OGFOD3: variants seen among roughly 807,000 people sequenced by gnomAD.
OGFOD3 encodes the protein 2-oxoglutarate and iron dependent oxygenase domain containing 3, also known as 2-oxoglutarate and iron-dependent oxygenase domain-containing protein 3.
A neutral mutation model predicts 39.8 loss-of-function variants in OGFOD3; 35 were observed. The ratio of observed to expected loss-of-function variants is 0.88; its 90% confidence interval spans 0.67 to 1.17. OGFOD3 has a LOEUF of 1.17. OGFOD3 is among the 50% of genes most tolerant of loss of function. The pLI is 0.00. For missense variants in OGFOD3, 438 were observed against 454.5 expected (o/e 0.96, Z 0.33); for synonymous variants, 200 against 192.0 (o/e 1.04, Z -0.34).
chr17:82,405,430 T>A (rs759772242), intron 5 of OGFOD3, 50 bp from the exon 6 acceptor site: 5 of 1,463,332 alleles, frequency 3.4e-6, no homozygotes, highest in Admixed American at 1.7e-5. Flanking sequence ...ATTAATCTGT[T>A]GTTCATCTCC....
chr17:82,393,094 G>A (rs1160946412), intron 8 of OGFOD3: 2 of 152,980 alleles, frequency 1.3e-5, no homozygotes, highest in Non-Finnish European at 2.9e-5. Flanking sequence ...GGGCCTGAGA[G>A]GTCCTGGAGG....
Position 82,390,386 on chromosome 17 carries a change from A to G in OGFOD3, c.*2012T>C, listed in dbSNP as rs1330220869. 6.6e-6 allele frequency: 1 copy of G among 152,324 alleles called. No individual in the cohort carries two copies. Among genetic ancestry groups the G allele is most frequent in the Non-Finnish European group, 1.5e-5 (1 of 68,104 alleles). The allele number at this position is 152,324 out of a possible 1,614,324, so 9.4% of individuals were successfully genotyped here. On this transcript the variant is annotated 3_prime_UTR_variant, in exon 9 of 9. Coordinates refer to ENST00000313056, the MANE Select transcript of OGFOD3 (RefSeq NM_024648.3). The surrounding 1 kb of genome is among the most constrained non-coding windows in gnomAD (Gnocchi z 4.9). Reference sequence around the variant, plus strand: ...CGACTTCCCACCCACGATGGGGCCCACCAGCCCGACCCGGAGAGTGTCCGT... The same window carrying G: ...CGACTTCCCACCCACGATGGGGCCCGCCAGCCCGACCCGGAGAGTGTCCGT...
chr17:82,412,031 GA>G (rs1390986674), intron 2 of OGFOD3, among the ~76,000 whole-genome samples: 1 of 71,056 alleles, frequency 1.4e-5, no homozygotes, highest in Non-Finnish European at 3.0e-5. Flanking sequence ...CACCAGAGAG[GA>G]AGACCCTCCT....
chr17:82,398,425 A>G (rs1054100400), intron 7 of OGFOD3, 106 bp from the exon 8 acceptor site: 3 of 1,391,082 alleles, frequency 2.2e-6, no homozygotes, highest in Non-Finnish European at 2.9e-6. Context: ...TTTGAGACAG[A>G]GTCTTGCTCC....
chr17:82,403,830 ACCTTGTCCACGAG>A, intron 7 of OGFOD3, 94 bp downstream of exon 7: 1 of 1,452,774 alleles, frequency 6.9e-7, no homozygotes, highest in Non-Finnish European at 9.3e-7. Context: ...GGGCACGCTC[ACCTTGTCCACGAG>A]CGCGCTCACC....
intron 1 of OGFOD3, among the ~76,000 whole-genome samples, chr17:82,418,153 G>C (rs1462403214): frequency 6.6e-6 from 1 of 152,238 alleles, no homozygotes; most frequent in Non-Finnish European, 1.5e-5. Context: ...CAGGCTGGGA[G>C]CAAAGCCCCC....
rs190215264 is a variant in OGFOD3 at position 82,392,080 on chromosome 17, G to C, written c.*318C>G. On this transcript the variant is annotated 3_prime_UTR_variant, in exon 9 of 9. Coordinates refer to ENST00000313056, the MANE Select transcript of OGFOD3 (RefSeq NM_024648.3). This position sits in a 1 kb window ranked among gnomAD's most constrained non-coding sequence, Gnocchi z 4.2. ...GGGTTGCTGAACCTGGACGAGTCCC[G>C]GGGGGTTGCTGAACCTGGGTGGATG... 8.5e-6 allele frequency: 3 copies of C among 354,994 alleles called. No homozygotes were observed. The highest frequency in any genetic ancestry group is 1.5e-5 in the Non-Finnish European group (3 of 194,712). The allele number at this position is 354,994 out of a possible 1,614,324, so 22.0% of individuals were successfully genotyped here.
intron 4 of OGFOD3, among the ~76,000 whole-genome samples, chr17:82,407,562 T>C (rs1292100809): frequency 1.3e-5 from 2 of 152,176 alleles, no homozygotes; most frequent in African/African-American, 4.8e-5. Context: ...TCTCAGTCCT[T>C]CCCTACGTCC....
Position 82,408,944 on chromosome 17 carries a change from T to C in OGFOD3, c.423+424A>G, listed in dbSNP as rs144201546. ...TCCATGGAGGCGTCCAGCTAGGAAG[T>C]TGCAGGATGCGTTGCAGCGTGTCTG... is the stretch of plus-strand genomic sequence containing the variant. On this transcript the variant is annotated intron_variant, in intron 4 of 8. Coordinates refer to ENST00000313056, the MANE Select transcript of OGFOD3 (RefSeq NM_024648.3). Among the ~76,000 whole-genome samples the C allele has an allele frequency of 4.5e-3, 679 of 152,334 alleles. 10 individuals carry two copies. Among genetic ancestry groups the C allele is most frequent in the African/African-American group, 6.0e-3 (248 of 41,582 alleles).
chr17:82,402,099 C>T (rs1330303244), intron 7 of OGFOD3, among the ~76,000 whole-genome samples: 1 of 152,114 alleles, frequency 6.6e-6, no homozygotes, highest in Non-Finnish European at 1.5e-5. Context: ...TGCTATAATA[C>T]CATTCTTTGT....
At position 82,406,394 on chromosome 17, in the gene OGFOD3, C is replaced by T. The variant is rs751974410; in HGVS notation, c.488+24G>A. The T allele has an allele frequency of 1.2e-6, 2 of 1,611,748 alleles. No individual in the cohort carries two copies. Among genetic ancestry groups the T allele is most frequent in the Admixed American group, 1.7e-5 (1 of 60,020 alleles). ...GCTCACTCGGCTTTCAGAGCCAGCA[C>T]TGAGGTCATGCTGCAGCACTCACCT... is the stretch of plus-strand genomic sequence containing the variant. On this transcript the variant is annotated intron_variant, in intron 5 of 8. Transcript: ENST00000313056. This position sits in a 1 kb window ranked among gnomAD's most constrained non-coding sequence, Gnocchi z 5.2.
chr17:82,394,127 C>A (rs890677564), intron 8 of OGFOD3, among the ~76,000 whole-genome samples: 3 of 151,610 alleles, frequency 2.0e-5, no homozygotes, highest in African/African-American at 7.3e-5. Flanking sequence ...GTAGCTGGGA[C>A]TACAGGCGCC....
intron 4 of OGFOD3, among the ~76,000 whole-genome samples, chr17:82,408,142 CA>C (rs1046083968): frequency 1.3e-5 from 2 of 150,874 alleles, no homozygotes; most frequent in Non-Finnish European, 3.0e-5. Flanking sequence ...GACTCTGTCT[CA>C]AAAAAAGAAG....
intron 4 of OGFOD3, among the ~76,000 whole-genome samples, chr17:82,408,501 C>T (rs1054480497): frequency 2.0e-5 from 3 of 152,164 alleles, no homozygotes; most frequent in African/African-American, 7.2e-5. Flanking sequence ...ATGATCCCTG[C>T]GGCTGTGGTA....
chr17:82,403,876 TGCCC>T lies in OGFOD3; in HGVS notation c.699+57_699+60del, dbSNP rs1567869979. The T allele has an allele frequency of 3.2e-4, 486 of 1,528,388 alleles. 2 individuals are homozygous for T. Among genetic ancestry groups the T allele is most frequent in the Non-Finnish European group, 3.9e-4 (444 of 1,136,080 alleles). The allele number at this position is 1,528,388 out of a possible 1,614,324, so 94.7% of individuals were successfully genotyped here. A position where few individuals can be genotyped will look rare whatever the true frequency, so the allele number is the denominator to read the frequency against. On this transcript the variant is annotated intron_variant, in intron 7 of 8. Transcript: ENST00000313056. ...ACCCTGCCCACGTGCGCACTCACCGTGCCCACGGGCACGCTCACCTTGTCCACGG... is the reference window on the plus strand; with the variant it reads ...ACCCTGCCCACGTGCGCACTCACCGTACGGGCACGCTCACCTTGTCCACGG...
chr17:82,415,273 G>T lies in OGFOD3; in HGVS notation c.304+125C>A. The T allele has an allele frequency of 1.1e-6, 1 of 948,644 alleles. No individual in the cohort carries two copies. Among genetic ancestry groups the T allele is most frequent in the Non-Finnish European group, 1.6e-6 (1 of 611,942 alleles). The allele number at this position is 948,644 out of a possible 1,614,324, so 58.8% of individuals were successfully genotyped here. A position where few individuals can be genotyped will look rare whatever the true frequency, so the allele number is the denominator to read the frequency against. On this transcript the variant is annotated intron_variant, in intron 2 of 8. Coordinates refer to ENST00000313056, the MANE Select transcript of OGFOD3 (RefSeq NM_024648.3). This position sits in a 1 kb window ranked among gnomAD's most constrained non-coding sequence, Gnocchi z 5.3. ...TCAGACGTGGACTAGCCAGCCTGCA[G>T]GAGGGGAGAGGTTGTCTGCTACCCC...
rs1211084024 is a variant in OGFOD3 at position 82,406,312 on chromosome 17, G to T, written c.488+106C>A. 4.7e-6 allele frequency: 5 copies of T among 1,061,698 alleles called. No homozygotes were observed. The highest frequency in any genetic ancestry group is 1.3e-5 in the South Asian group (1 of 78,302). 65.8% of individuals were successfully genotyped at this position (1,061,698 alleles called of 1,614,324 possible). Reference sequence around the variant, plus strand: ...TGAGGCCCTGAGGCTGCACCGAGCCGGATCCTCCCTCACATGTCCACGTGT... The same window carrying T: ...TGAGGCCCTGAGGCTGCACCGAGCCTGATCCTCCCTCACATGTCCACGTGT... On this transcript the variant is annotated intron_variant, in intron 5 of 8. Coordinates refer to ENST00000313056, the MANE Select transcript of OGFOD3 (RefSeq NM_024648.3). This position sits in a 1 kb window ranked among gnomAD's most constrained non-coding sequence, Gnocchi z 5.2.
intron 1 of OGFOD3, among the ~76,000 whole-genome samples, chr17:82,417,511 T>G (rs1475569659): frequency 4.0e-5 from 6 of 150,246 alleles, no homozygotes; most frequent in Non-Finnish European, 7.4e-5. Flanking sequence ...CCCAGCTATT[T>G]GGGAGGCTGA....
intron 8 of OGFOD3, among the ~76,000 whole-genome samples, chr17:82,395,776 G>A (rs1317389824): frequency 3.9e-5 from 6 of 152,076 alleles, no homozygotes; most frequent in South Asian, 2.1e-4. Flanking sequence ...AGCCGAGATC[G>A]CACCACTGCA....
Sources: gnomAD v4.1 joint callset for allele counts (sites outside exome capture counted in the v4.1 genomes callset) on GRCh38, gnomAD v4.1.1 for gene constraint, Gnocchi (gnomAD v3.1) non-coding constraint, MANE v1.5 for transcripts, NCBI Gene and HGNC (gene_info 2026-07-23, HGNC 2026-07-21) for gene names.